TRABD2B: variants seen among roughly 807,000 people sequenced by gnomAD.
TRABD2B encodes the protein metalloprotease TIKI2.
A neutral mutation model predicts 40.1 loss-of-function variants in TRABD2B; 14 were observed. The ratio of observed to expected loss-of-function variants is 0.35; its 90% CI spans 0.23 to 0.55. The LOEUF (loss-of-function observed/expected upper bound fraction) is 0.55. Among genes scored for constraint, TRABD2B ranks in the 20% least tolerant of loss-of-function variants. The pLI is 0.90. For synonymous variants in TRABD2B, 263 were observed against 277.0 expected (o/e 0.95, Z 0.50); for missense variants, 541 against 648.6 (o/e 0.83, Z 1.80).
At position 47,762,641 on chromosome 1, in the gene TRABD2B, T is replaced by C. The variant is rs1450364683; in HGVS notation, c.*3261A>G. ...TCTTTCAATGCAAGGACAAATTTGT[T>C]CATAACCAGCACAAGGTTCCATGCT... On this transcript the variant is annotated 3_prime_UTR_variant, in exon 7 of 7. Coordinates refer to ENST00000606738, the MANE Select transcript of TRABD2B (RefSeq NM_001194986.2). The C allele has an allele frequency of 6.6e-6, 1 of 152,148 alleles. No individual in the cohort carries two copies. Among genetic ancestry groups the C allele is most frequent in the Non-Finnish European group, 1.5e-5 (1 of 68,008 alleles). 9.4% of individuals were successfully genotyped at this position (152,148 alleles called of 1,614,324 possible).
chr1:47,825,640 G>C (rs1334403124), intron 2 of TRABD2B, among the ~76,000 whole-genome samples: 2 of 152,216 alleles, frequency 1.3e-5, no homozygotes, highest in African/African-American at 4.8e-5. Flanking sequence ...GTGCGGAGTA[G>C]GTGCCCAGAA....
intron 2 of TRABD2B, among the ~76,000 whole-genome samples, chr1:47,803,028 ATCT>A (rs770696797): frequency 2.4e-4 from 37 of 152,068 alleles, no homozygotes; most frequent in East Asian, 1.9e-4. Flanking sequence ...AAAAAAAAAA[ATCT>A]TCTGCCTTTG....
intron 2 of TRABD2B, among the ~76,000 whole-genome samples, chr1:47,802,808 G>T (rs1289628161): frequency 6.6e-6 from 1 of 152,066 alleles, no homozygotes; most frequent in African/African-American, 2.4e-5. Flanking sequence ...TATCTGTCAT[G>T]GTCCTCTTTT....
intron 4 of TRABD2B, among the ~76,000 whole-genome samples, chr1:47,783,454 G>C (rs562674355): frequency 1.3e-5 from 2 of 152,332 alleles, no homozygotes; most frequent in Admixed American, 6.5e-5. Flanking sequence ...CATGTATCCA[G>C]TCATGTATCG....
At chr1:47,904,468 C>T (rs960578166) in intron 2 of TRABD2B, among the ~76,000 whole-genome samples, 1 of 152,148 alleles carries the variant, frequency 6.6e-6, no homozygotes, top group Non-Finnish European at 1.5e-5. Flanking sequence ...ACCATGTTAC[C>T]GTGTTACAGC....
At position 47,964,660 on chromosome 1, in the gene TRABD2B, A is replaced by AC. The variant is rs1453334199; in HGVS notation, c.666+29373_666+29374insG. 7.9e-5 allele frequency among the ~76,000 whole-genome samples: 12 copies of AC among 152,242 alleles called. No individual in the cohort carries two copies. In the East Asian group the frequency reaches 1.9e-3, roughly 24 times the overall value. The stretch of plus-strand genomic sequence containing the variant: ...TAGTTATCTTTATTTGCCTCTAGCA[A>AC]TTTGTTTTTAATGCTGAACAGCCTT... On this transcript the variant is annotated intron_variant, in intron 2 of 6. Transcript: ENST00000606738.
At chr1:47,854,636 CT>C (rs2124532917) in intron 2 of TRABD2B, among the ~76,000 whole-genome samples, 1 of 152,246 alleles carries the variant, frequency 6.6e-6, no homozygotes, top group South Asian at 2.1e-4. Flanking sequence ...GCTTTAGACC[CT>C]GCTAGGGAAG....
At chr1:47,792,139 T>G (rs1398684865) in intron 4 of TRABD2B, among the ~76,000 whole-genome samples, 1 of 152,204 alleles carries the variant, frequency 6.6e-6, no homozygotes, top group African/African-American at 2.4e-5. Flanking sequence ...CCAGATCTGT[T>G]GTTTTTGGAG....
intron 2 of TRABD2B, among the ~76,000 whole-genome samples, chr1:47,987,985 C>T (rs895917805): frequency 3.3e-5 from 5 of 152,130 alleles, no homozygotes; most frequent in Admixed American, 6.5e-5. Context: ...GAAAAGGCTT[C>T]GGCACGGTCT....
chr1:47,890,013 A>G (rs572887105), intron 2 of TRABD2B, among the ~76,000 whole-genome samples: 1 of 152,194 alleles, frequency 6.6e-6, no homozygotes, highest in African/African-American at 2.4e-5. Context: ...GTTGCTGAAT[A>G]TCTCTGGCTG....
intron 3 of TRABD2B, among the ~76,000 whole-genome samples, chr1:47,800,796 G>T (rs1644812560): frequency 6.6e-6 from 1 of 152,126 alleles, no homozygotes. Flanking sequence ...GAGGAGAAAG[G>T]AGCCTGAACA....
chr1:47,856,235 A>C (rs1643888660), intron 2 of TRABD2B, among the ~76,000 whole-genome samples: 1 of 152,152 alleles, frequency 6.6e-6, no homozygotes, highest in South Asian at 2.1e-4. Context: ...CCCCTTCCAC[A>C]CACACTGTGG....
At chr1:47,784,820 C>T (rs1023870284) in intron 4 of TRABD2B, among the ~76,000 whole-genome samples, 3 of 152,208 alleles carry the variant, frequency 2.0e-5, no homozygotes, top group African/African-American at 2.4e-5. Context: ...CCTTTCAGTT[C>T]AGTGGGGCCT....
chr1:47,891,171 T>C (rs956369651), intron 2 of TRABD2B, among the ~76,000 whole-genome samples: 1 of 152,256 alleles, frequency 6.6e-6, no homozygotes, highest in African/African-American at 2.4e-5. Context: ...AATAATGCTA[T>C]AGAAGTATTA....
At chr1:47,794,790 G>GTCTT in intron 3 of TRABD2B, 30 bp from the exon 4 acceptor site, 1 of 1,144,852 alleles carries the variant, frequency 8.7e-7, no homozygotes, top group Non-Finnish European at 1.1e-6. Context: ...GCTGCCTTCA[G>GTCTT]TTTTTTTTTT....
intron 2 of TRABD2B, among the ~76,000 whole-genome samples, chr1:47,893,368 T>G (rs531527086): frequency 1.3e-5 from 2 of 152,248 alleles, no homozygotes; most frequent in East Asian, 3.9e-4. Flanking sequence ...GTGGCCAGTA[T>G]GTGGAAAGAA....
intron 2 of TRABD2B, among the ~76,000 whole-genome samples, chr1:47,844,937 G>C (rs1056761769): frequency 2.0e-5 from 3 of 152,146 alleles, no homozygotes; most frequent in Non-Finnish European, 4.4e-5. Context: ...GAGCAAGACA[G>C]AAGTACACCT....
chr1:47,779,669 C>T (rs1006089943), intron 4 of TRABD2B, among the ~76,000 whole-genome samples: 1 of 152,052 alleles, frequency 6.6e-6, no homozygotes, highest in African/African-American at 2.4e-5. Context: ...CAGTCTCCCC[C>T]ACCTGCTCAA....
In TRABD2B at chr1:47,994,611, G is replaced by A. The variant is rs2148467301; in HGVS notation, c.103-14C>T. The stretch of plus-strand genomic sequence containing the variant: ...CAAGTCCCTCTGCTGCAGGAGTAGA[G>A]AAGAGGCAAGGCAGTGAGGCCGAAG... On this transcript the variant is annotated splice_polypyrimidine_tract_variant and intron_variant, in intron 1 of 6. Coordinates refer to ENST00000606738, the MANE Select transcript of TRABD2B (RefSeq NM_001194986.2). The surrounding 1 kb of genome is among the most constrained non-coding windows in gnomAD (Gnocchi z 6.7). 2 of 1,529,776 alleles carry A rather than the reference G, an allele frequency of 1.3e-6. No homozygotes were observed. Among genetic ancestry groups the A allele is most frequent in the Non-Finnish European group, 1.7e-6 (2 of 1,143,638 alleles). The allele number at this position is 1,529,776 out of a possible 1,614,324, so 94.8% of individuals were successfully genotyped here.
Sources: allele counts gnomAD v4.1 joint callset (sites outside exome capture counted in the v4.1 genomes callset), GRCh38; gene constraint gnomAD v4.1.1; non-coding constraint Gnocchi (gnomAD v3.1); transcripts MANE v1.5; gene names NCBI Gene and HGNC (gene_info 2026-07-23, HGNC 2026-07-21).